MINDY3: variants seen among roughly 807,000 people sequenced by gnomAD.
MINDY3 encodes the protein MINDY lysine 48 deubiquitinase 3.
Under a neutral mutation model 69.2 loss-of-function variants are expected in MINDY3, and 38 were observed. The ratio of observed to expected loss-of-function variants is 0.55; its 90% CI spans 0.42 to 0.72. The LOEUF (loss-of-function observed/expected upper bound fraction) is 0.72, where lower values mean the gene tolerates loss of function less well. Ranked by LOEUF, MINDY3 falls within the 30% of genes least tolerant of loss-of-function variation. The pLI is 0.00. For synonymous variants in MINDY3, 192 were observed against 180.1 expected (o/e 1.07, Z -0.53); for missense variants, 522 against 519.0 (o/e 1.01, Z -0.06).
chr10:15,797,523 AC>A (rs1311145602), intron 10 of MINDY3, among the ~76,000 whole-genome samples: 2 of 151,876 alleles, frequency 1.3e-5, no homozygotes, highest in South Asian at 2.1e-4. Flanking sequence ...TTATTGCTGG[AC>A]CCTTGAATTG....
intron 10 of MINDY3, among the ~76,000 whole-genome samples, chr10:15,802,845 T>G (rs1838361193): frequency 6.6e-6 from 1 of 152,082 alleles, no homozygotes; most frequent in Non-Finnish European, 1.5e-5. Context: ...TCTTTTGGTC[T>G]CAGTCATATA....
chr10:15,789,845 TA>T (rs971529099), intron 11 of MINDY3, among the ~76,000 whole-genome samples: 3 of 151,892 alleles, frequency 2.0e-5, no homozygotes, highest in East Asian at 3.9e-4. Context: ...GCTGTAGGTT[TA>T]AAAAAAACAG....
At chr10:15,789,628 A>G (rs919994953) in intron 11 of MINDY3, among the ~76,000 whole-genome samples, 3 of 152,136 alleles carry the variant, frequency 2.0e-5, no homozygotes, top group African/African-American at 7.2e-5. Flanking sequence ...TTTTCTACTT[A>G]AAATCTTAGG....
At chr10:15,835,713 T>C (rs1179244238) in intron 6 of MINDY3, among the ~76,000 whole-genome samples, 1 of 152,088 alleles carries the variant, frequency 6.6e-6, no homozygotes, top group East Asian at 1.9e-4. Flanking sequence ...AAACCAGTCA[T>C]CTTAGATACC....
chr10:15,788,024 G>A (rs1471994302), intron 12 of MINDY3, among the ~76,000 whole-genome samples: 1 of 151,754 alleles, frequency 6.6e-6, no homozygotes, highest in Non-Finnish European at 1.5e-5. Flanking sequence ...TTTTCCATCT[G>A]ATAAAACAAG....
At chr10:15,780,375 T>A (rs1836428940) in intron 14 of MINDY3, among the ~76,000 whole-genome samples, 3 of 152,200 alleles carry the variant, frequency 2.0e-5, no homozygotes, top group Non-Finnish European at 4.4e-5. Context: ...ACATTGAAAC[T>A]ACAACTCGGG....
intron 5 of MINDY3, chr10:15,837,753 T>A: frequency 9.6e-7 from 1 of 1,039,452 alleles, no homozygotes; most frequent in Non-Finnish European, 1.2e-6. Flanking sequence ...AAGAAATTAA[T>A]GTTACATTTT....
intron 10 of MINDY3, among the ~76,000 whole-genome samples, chr10:15,805,812 A>G (rs1838598758): frequency 6.6e-6 from 1 of 152,140 alleles, no homozygotes; most frequent in Non-Finnish European, 1.5e-5. Context: ...CCTTCAGCCC[A>G]GATCTTAAAA....
At chr10:15,793,585 C>G (rs945773844) in intron 11 of MINDY3, among the ~76,000 whole-genome samples, 1 of 151,820 alleles carries the variant, frequency 6.6e-6, no homozygotes, top group African/African-American at 2.4e-5. Flanking sequence ...TAAAAAGTAC[C>G]TTTTTATGAC....
intron 8 of MINDY3, among the ~76,000 whole-genome samples, chr10:15,822,144 C>G (rs921686073): frequency 2.0e-5 from 3 of 152,130 alleles, no homozygotes; most frequent in Admixed American, 2.0e-4. Context: ...TAAAATTTAT[C>G]ATTAGGTAGC....
intron 10 of MINDY3, among the ~76,000 whole-genome samples, chr10:15,805,061 G>T (rs889683986): frequency 1.3e-5 from 2 of 152,246 alleles, no homozygotes; most frequent in African/African-American, 2.4e-5. Flanking sequence ...AGTGGGAGAA[G>T]AAGTTTCCAA....
chr10:15,785,303 A>G (rs1836871094), intron 13 of MINDY3, among the ~76,000 whole-genome samples: 1 of 152,192 alleles, frequency 6.6e-6, no homozygotes, highest in Non-Finnish European at 1.5e-5. Context: ...AATGTCTGTT[A>G]CAGGCGAAAG....
intron 9 of MINDY3, among the ~76,000 whole-genome samples, chr10:15,818,630 T>G (rs1327088537): frequency 6.6e-6 from 1 of 152,068 alleles, no homozygotes; most frequent in Non-Finnish European, 1.5e-5. Context: ...TGGTTTAACA[T>G]ACAAAAGAAT....
At chr10:15,789,106 T>G in intron 12 of MINDY3, 141 bp downstream of exon 12, 1 of 513,556 alleles carries the variant, frequency 1.9e-6, no homozygotes, top group Non-Finnish European at 3.5e-6. Context: ...TTAGTTCGAT[T>G]TCTTAATCTT....
At chr10:15,799,903 T>C (rs755437117) in intron 10 of MINDY3, among the ~76,000 whole-genome samples, 7 of 152,068 alleles carry the variant, frequency 4.6e-5, no homozygotes, top group African/African-American at 1.7e-4. Context: ...CTATTAGAAA[T>C]AGAATATTAG....
chr10:15,858,299 T>G (rs1436498631), intron 1 of MINDY3, among the ~76,000 whole-genome samples: 1 of 152,142 alleles, frequency 6.6e-6, no homozygotes, highest in Non-Finnish European at 1.5e-5. Flanking sequence ...ATGGAACTAA[T>G]CCTGTTAAAG....
intron 10 of MINDY3, among the ~76,000 whole-genome samples, chr10:15,815,582 G>A (rs1304484250): frequency 1.3e-5 from 2 of 152,254 alleles, no homozygotes; most frequent in East Asian, 3.9e-4. Flanking sequence ...ATACAATTCT[G>A]TATCTTCCTA....
At chr10:15,821,755 A>C (rs1449953194) in intron 8 of MINDY3, 29 bp from the exon 9 acceptor site, 2 of 1,588,628 alleles carry the variant, frequency 1.3e-6, no homozygotes, top group African/African-American at 2.7e-5. Context: ...ACAACAAAAA[A>C]CGAAAACTTA....
intron 10 of MINDY3, among the ~76,000 whole-genome samples, chr10:15,811,514 A>G (rs1293734041): frequency 6.6e-6 from 1 of 152,176 alleles, no homozygotes; most frequent in Non-Finnish European, 1.5e-5. Flanking sequence ...CTTCTAACAC[A>G]ACACAAACAC....
Sources: gnomAD v4.1 joint callset for allele counts (sites outside exome capture counted in the v4.1 genomes callset) on GRCh38, gnomAD v4.1.1 for gene constraint, MANE v1.5 for transcripts, NCBI Gene and HGNC (gene_info 2026-07-23, HGNC 2026-07-21) for gene names.